Variants in SECISBP2 observed in about 807,000 individuals in gnomAD.
The protein encoded by SECISBP2 is SECIS binding protein 2.
A neutral mutation model predicts 98.2 loss-of-function variants in SECISBP2; 96 were observed. That is an observed-to-expected ratio of 0.98 (90% CI 0.83 to 1.16). The LOEUF is 1.16. Among genes scored for constraint, SECISBP2 ranks in the 50% most tolerant of loss-of-function variants. The pLI is 0.00. For synonymous variants in SECISBP2, 407 were observed against 370.2 expected (o/e 1.10, Z -1.14); for missense variants, 1,046 against 1,022.9 (o/e 1.02, Z -0.31).
At chr9:89,342,101 A>G (rs1185451173) in intron 10 of SECISBP2, among the ~76,000 whole-genome samples, 1 of 152,236 alleles carries the variant, frequency 6.6e-6, no homozygotes, top group Non-Finnish European at 1.5e-5. Context: ...ATAGCAAACA[A>G]TCCAATTTAA....
rs1476837307 is a variant in SECISBP2, at chr9:89,348,223, TTC to T, written c.1738+13_1738+14del. The stretch of plus-strand genomic sequence containing the variant: ...GCAGGCAGAGCTGTCAGGTACCAAC[TTC>T]TCTTTGTGCCTTAAGAATAATTTAA... On this transcript the variant is annotated intron_variant, in intron 12 of 16. Transcript: ENST00000375807. 1 of 1,613,816 alleles carries T rather than the reference TTC, an allele frequency of 6.2e-7. No homozygotes were observed. Among genetic ancestry groups the T allele is most frequent in the Non-Finnish European group, 8.5e-7 (1 of 1,179,986 alleles).
downstream of SECISBP2, among the ~76,000 whole-genome samples, chr9:89,360,391 C>T (rs1832672649): frequency 6.6e-6 from 1 of 152,158 alleles, no homozygotes; most frequent in Non-Finnish European, 1.5e-5. Context: ...GGCAAAAAGA[C>T]AAAATAGCCT....
chr9:89,328,648 T>C lies in SECISBP2; in HGVS notation c.575-12T>C, dbSNP rs1191928063. ...TAAATTTTTACTCTTACTTTTAATTTTGTAATTACAGATGGTTACCATAAG... is the reference window on the plus strand; with the variant it reads ...TAAATTTTTACTCTTACTTTTAATTCTGTAATTACAGATGGTTACCATAAG... On this transcript the variant is annotated splice_polypyrimidine_tract_variant and intron_variant, in intron 4 of 16. Coordinates refer to ENST00000375807, the MANE Select transcript of SECISBP2 (RefSeq NM_024077.5). 6.2e-7 allele frequency: 1 copy of C among 1,609,550 alleles called. No individual in the cohort carries two copies. The highest frequency in any genetic ancestry group is 8.5e-7 in the Non-Finnish European group (1 of 1,176,018).
chr9:89,325,985 CAGCT>C lies in SECISBP2; in HGVS notation c.524_527del (p.Ala175GlufsTer14). ...GGAACTATATCATCTGAGATAAAAT[CAGCT>C]AGAGGTTCACATCATTTGTCCATTT... On this transcript the variant is annotated frameshift_variant, in exon 4 of 17. Coordinates refer to ENST00000375807, the MANE Select transcript of SECISBP2 (RefSeq NM_024077.5). LOFTEE classifies it high-confidence loss of function. 1 of 1,613,950 alleles carries C rather than the reference CAGCT, an allele frequency of 6.2e-7. No individual in the cohort carries two copies. The highest frequency in any genetic ancestry group is 8.5e-7 in the Non-Finnish European group (1 of 1,180,002).
At chr9:89,322,285 T>A (rs755474727) in intron 2 of SECISBP2, 2 of 152,290 alleles carry the variant, frequency 1.3e-5, no homozygotes, top group Non-Finnish European at 2.9e-5. Flanking sequence ...TTTACTGATG[T>A]AATGAACAAA....
intron 7 of SECISBP2, among the ~76,000 whole-genome samples, chr9:89,337,043 G>A (rs1461410363): frequency 6.6e-6 from 1 of 152,002 alleles, no homozygotes; most frequent in African/African-American, 2.4e-5. Context: ...CCAAATGCTG[G>A]GATTACAGGC....
Sources: gnomAD v4.1 joint callset for allele counts (sites outside exome capture counted in the v4.1 genomes callset) on GRCh38, gnomAD v4.1.1 for gene constraint, MANE v1.5 for transcripts, NCBI Gene and HGNC (gene_info 2026-07-23, HGNC 2026-07-21) for gene names.